Variants in SKP2 observed in about 807,000 individuals in gnomAD.
The protein encoded by SKP2 is S-phase kinase associated protein 2.
In SKP2, 16 loss-of-function variants were observed where a neutral mutation model predicts 51.8. The ratio of observed to expected loss-of-function variants is 0.31; its 90% confidence interval spans 0.21 to 0.47. The LOEUF (loss-of-function observed/expected upper bound fraction) is 0.47. Ranked by LOEUF, SKP2 falls within the 20% of genes least tolerant of loss-of-function variation. The pLI, the probability that SKP2 is intolerant of heterozygous loss-of-function variation, is 1.00. For missense variants in SKP2, 377 were observed against 505.3 expected (o/e 0.75, Z 2.43); for synonymous variants, 176 against 198.6 (o/e 0.89, Z 0.96).
In SKP2 at chr5:36,183,640, A is replaced by G; in HGVS notation, c.*1609A>G. On this transcript the variant is annotated 3_prime_UTR_variant, in exon 10 of 10. Transcript: ENST00000274255. ...GTTCGTATGTTCAAAATGTAACAAC[A>G]AAAAAAGCTAACACCAGTCATTTAT... 5.0e-6 allele frequency: 6 copies of G among 1,208,028 alleles called. No individual in the cohort carries two copies. The highest frequency in any genetic ancestry group is 6.2e-6 in the Non-Finnish European group (6 of 970,944). 74.8% of individuals were successfully genotyped at this position (1,208,028 alleles called of 1,614,324 possible).
chr5:36,168,785 C>T (rs1266232231), intron 5 of SKP2, among the ~76,000 whole-genome samples: 1 of 152,142 alleles, frequency 6.6e-6, no homozygotes, highest in Non-Finnish European at 1.5e-5. Context: ...CAAGAGGAAA[C>T]ATTGAGCAAG....
At position 36,183,664 on chromosome 5, in the gene SKP2, A is replaced by G. The variant is rs1745886671; in HGVS notation, c.*1633A>G. On this transcript the variant is annotated 3_prime_UTR_variant, in exon 10 of 10. Transcript: ENST00000274255. ...CAAAAAAAGCTAACACCAGTCATTT[A>G]TATTAACTTTTTTTTTTTAAATCAA... 1.6e-6 allele frequency: 2 copies of G among 1,239,986 alleles called. No individual in the cohort carries two copies. Among genetic ancestry groups the G allele is most frequent in the African/African-American group, 1.6e-5 (1 of 64,218 alleles). The allele number at this position is 1,239,986 out of a possible 1,614,324, so 76.8% of individuals were successfully genotyped here. A position where few individuals can be genotyped will look rare whatever the true frequency, so the allele number is the denominator to read the frequency against.
rs33673 is a variant in SKP2, at chr5:36,153,735, A to G, written c.280+693A>G. On this transcript the variant is annotated intron_variant, in intron 2 of 9. Transcript: ENST00000274255. ...ATAATTCCAACCTTCTTCTCCCCAG[A>G]TCTATCCCCCGAACTAGAATGGATT... 4.6e-5 allele frequency among the ~76,000 whole-genome samples: 7 copies of G among 152,220 alleles called. No homozygotes were observed. The East Asian group carries it at 1.4e-3, about 29-fold the overall frequency.
chr5:36,167,000 A>G (rs1351140695), intron 4 of SKP2, among the ~76,000 whole-genome samples: 1 of 152,134 alleles, frequency 6.6e-6, no homozygotes, highest in Non-Finnish European at 1.5e-5. Context: ...AAGGGTGCCC[A>G]GTTACTTCCC....
At chr5:36,167,809 T>G (rs1745336293) in intron 4 of SKP2, among the ~76,000 whole-genome samples, 1 of 152,094 alleles carries the variant, frequency 6.6e-6, no homozygotes, top group African/African-American at 2.4e-5. Context: ...TAGTAGAGAC[T>G]GGGTTTCACC....
chr5:36,170,299 G>A (rs747996086), intron 5 of SKP2, 45 bp from the exon 6 acceptor site: 1 of 1,098,300 alleles, frequency 9.1e-7, no homozygotes. Flanking sequence ...TTGATGAATA[G>A]TGTCTTACTG....
chr5:36,157,601 T>C (rs1744992778), intron 2 of SKP2, among the ~76,000 whole-genome samples: 1 of 152,092 alleles, frequency 6.6e-6, no homozygotes, highest in South Asian at 2.1e-4. Flanking sequence ...AAGCATGGGG[T>C]ATTGCTACTT....
chr5:36,174,674 C>G (rs143591522), intron 7 of SKP2, among the ~76,000 whole-genome samples: 1 of 151,882 alleles, frequency 6.6e-6, no homozygotes, highest in African/African-American at 2.4e-5. Context: ...AATGCAAGGA[C>G]GAAGAGCAAA....
At chr5:36,164,555 C>T (rs1170202464) in intron 3 of SKP2, among the ~76,000 whole-genome samples, 1 of 152,218 alleles carries the variant, frequency 6.6e-6, no homozygotes, top group African/African-American at 2.4e-5. Flanking sequence ...TGGCTTCTCC[C>T]TCCACATACT....
intron 9 of SKP2, among the ~76,000 whole-genome samples, chr5:36,181,543 A>C (rs1745811001): frequency 6.6e-6 from 1 of 152,210 alleles, no homozygotes; most frequent in Admixed American, 6.5e-5. Flanking sequence ...AAGGAAGCAA[A>C]TATGGTTGGA....
At position 36,181,932 on chromosome 5, in the gene SKP2, T is replaced by C. The variant is rs1423044510; in HGVS notation, c.1176T>C (p.His392=). The C allele has an allele frequency of 6.2e-7, 1 of 1,614,144 alleles. No individual in the cohort carries two copies. Residue 392 remains histidine, a synonymous_variant, in exon 10 of 10, where the codon CAT becomes CAC. Transcript: ENST00000274255. ...CTCATCTACAGATTAATTGCTCCCA[T>C]TTCACCACCATTGCCAGGCCAACTA... ...ALPHLQINCS[H]FTTIARPTIG... is the part of the protein sequence containing the mutation.
chr5:36,189,447 C>A (rs915892098), intron 6 of SKP2, among the ~76,000 whole-genome samples: 17 of 152,128 alleles, frequency 1.1e-4, no homozygotes, highest in African/African-American at 4.1e-4. Context: ...CAGTCAGGAC[C>A]CTCAGCTGCA....
intron 1 of SKP2, 104 bp from the exon 2 acceptor site, chr5:36,152,666 TG>T: frequency 8.4e-7 from 1 of 1,193,202 alleles, no homozygotes; most frequent in South Asian, 1.5e-5. Context: ...TGTTAGCTGC[TG>T]TGAAGGTTTC....
At chr5:36,186,043 G>A (rs1169549287), downstream of SKP2, among the ~76,000 whole-genome samples, 5 of 152,112 alleles carry the variant, frequency 3.3e-5, no homozygotes, top group Non-Finnish European at 7.4e-5. Context: ...CTCATGATTT[G>A]GCTCTCTGTT....
Position 36,182,669 on chromosome 5 carries a change from A to G in SKP2, c.*638A>G. Reference sequence around the variant, plus strand: ...TACAAAACCCAGAGATATAGAATCAATATAGGATTTGAAGGCCCAGCAGAC... The same window carrying G: ...TACAAAACCCAGAGATATAGAATCAGTATAGGATTTGAAGGCCCAGCAGAC... On this transcript the variant is annotated 3_prime_UTR_variant, in exon 10 of 10. Transcript: ENST00000274255. 1 of 977,104 alleles carries G rather than the reference A, an allele frequency of 1.0e-6. No homozygotes were observed. The highest frequency in any genetic ancestry group is 1.2e-6 in the Non-Finnish European group (1 of 822,318). 60.5% of individuals were successfully genotyped at this position (977,104 alleles called of 1,614,324 possible). A position where few individuals can be genotyped will look rare whatever the true frequency, so the allele number is the denominator to read the frequency against.
rs1745908490 is a variant in SKP2 at position 36,184,220 on chromosome 5, G to T, written c.*2189G>T. 4 of 339,430 alleles carry T rather than the reference G, an allele frequency of 1.2e-5. No homozygotes were observed. The highest frequency in any genetic ancestry group is 7.4e-5 in the South Asian group (1 of 13,432). 21.0% of individuals were successfully genotyped at this position (339,430 alleles called of 1,614,324 possible). A position where few individuals can be genotyped will look rare whatever the true frequency, so the allele number is the denominator to read the frequency against. On this transcript the variant is annotated 3_prime_UTR_variant, in exon 10 of 10. Coordinates refer to ENST00000274255, the MANE Select transcript of SKP2 (RefSeq NM_005983.4). ...TATGCTTGTCACATTAAAAAAAAAA[G>T]TTTATAATGCCTTTATAAAAGGGGC... is the stretch of plus-strand genomic sequence containing the variant.
rs1434926511 is a variant in SKP2, at chr5:36,152,267, A to G, written c.5A>G (p.His2Arg). ...ACTCCCGGGCCTGCGGACGCTATGC[A>G]CAGGTAAACGGATTGCAAAAAGGGG... is the stretch of plus-strand genomic sequence containing the variant. M[H>R]RKHLQEIPDL... The change falls in exon 1 of 10, where the codon CAC becomes CGC. Residue 2 changes from histidine to arginine, a missense_variant. Physicochemically the swap from His to Arg is conservative, Grantham distance 29. This residue lies in a region of SKP2 where 115 missense variants were observed against 115.5 expected (regional missense o/e 1.00). Coordinates refer to ENST00000274255, the MANE Select transcript of SKP2 (RefSeq NM_005983.4). 1 of 1,613,880 alleles carries G rather than the reference A, an allele frequency of 6.2e-7. No homozygotes were observed. Among genetic ancestry groups the G allele is most frequent in the Admixed American group, 1.7e-5 (1 of 60,032 alleles).
intron 2 of SKP2, among the ~76,000 whole-genome samples, chr5:36,153,865 G>A (rs1304163045): frequency 1.3e-5 from 2 of 152,110 alleles, no homozygotes; most frequent in Non-Finnish European, 2.9e-5. Flanking sequence ...CAGAACCCTG[G>A]AGTATGCAAA....
At chr5:36,174,353 G>C (rs530438414) in intron 7 of SKP2, among the ~76,000 whole-genome samples, 1 of 152,280 alleles carries the variant, frequency 6.6e-6, no homozygotes, top group South Asian at 2.1e-4. Context: ...GGAGGACAGA[G>C]CTTAAGTGTG....
Sources: gnomAD v4.1 joint callset for allele counts (sites outside exome capture counted in the v4.1 genomes callset) on GRCh38, gnomAD v4.1.1 for gene constraint, gnomAD v4.1.1 regional missense constraint, MANE v1.5 for transcripts, NCBI Gene and HGNC (gene_info 2026-07-23, HGNC 2026-07-21) for gene names.